HAVCR1: variants seen among roughly 807,000 people sequenced by gnomAD.
HAVCR1 encodes the protein T cell immunoglobin domain and mucin domain protein 1.
Under a neutral mutation model 32.0 loss-of-function variants are expected in HAVCR1, and 34 were observed. That is an observed-to-expected ratio of 1.06 (90% CI 0.81 to 1.42). The LOEUF (loss-of-function observed/expected upper bound fraction) is 1.42, where lower values mean the gene tolerates loss of function less well. Ranked by LOEUF, HAVCR1 falls within the 40% of genes most tolerant of loss-of-function variation. The pLI, the probability that HAVCR1 is intolerant of heterozygous loss-of-function variation, is 0.00. For synonymous variants in HAVCR1, 178 were observed against 170.3 expected (o/e 1.05, Z -0.35); for missense variants, 420 against 442.3 (o/e 0.95, Z 0.45).
intron 2 of HAVCR1, among the ~76,000 whole-genome samples, chr5:157,057,026 G>A (rs1756195341): frequency 6.6e-6 from 1 of 151,742 alleles, no homozygotes; most frequent in Non-Finnish European, 1.5e-5. Flanking sequence ...AATCAAGATT[G>A]CCCAACTAGG....
chr5:157,044,892 T>C (rs905283945), intron 5 of HAVCR1, among the ~76,000 whole-genome samples: 3 of 152,178 alleles, frequency 2.0e-5, no homozygotes, highest in Non-Finnish European at 2.9e-5. Context: ...CAATGTAACT[T>C]TGATACTCAA....
chr5:157,053,642 G>T (rs1240861833), intron 3 of HAVCR1, among the ~76,000 whole-genome samples: 1 of 151,054 alleles, frequency 6.6e-6, no homozygotes, highest in African/African-American at 2.4e-5. Flanking sequence ...GGCCGAGGCG[G>T]GTAGACTGCC....
upstream of HAVCR1, among the ~76,000 whole-genome samples, chr5:157,061,132 A>G (rs1167007301): frequency 6.6e-6 from 1 of 152,088 alleles, no homozygotes; most frequent in Non-Finnish European, 1.5e-5. Context: ...TCCTGGCCTC[A>G]AGTGATACGC....
At chr5:157,046,438 C>T (rs918375352) in intron 5 of HAVCR1, among the ~76,000 whole-genome samples, 1 of 152,192 alleles carries the variant, frequency 6.6e-6, no homozygotes, top group South Asian at 2.1e-4. Context: ...CAATTCTACA[C>T]TTCCAAGGAG....
At chr5:157,048,407 T>A (rs1001639076) in intron 5 of HAVCR1, among the ~76,000 whole-genome samples, 1 of 152,252 alleles carries the variant, frequency 6.6e-6, no homozygotes, top group Non-Finnish European at 1.5e-5. Flanking sequence ...GGATTCTTGA[T>A]GTTCTAAGGA....
At position 157,052,616 on chromosome 5, in the gene HAVCR1, T is replaced by C; in HGVS notation, c.418A>G (p.Thr140Ala). The C allele has an allele frequency of 6.2e-7, 1 of 1,614,072 alleles. No individual in the cohort carries two copies. Among genetic ancestry groups the C allele is most frequent in the Non-Finnish European group, 8.5e-7 (1 of 1,179,956 alleles). The change falls in exon 4 of 9, where the codon ACC (threonine) becomes GCC (alanine). Residue 140 changes from threonine to alanine, a missense_variant. Thr to Ala is a moderately conservative substitution (Grantham distance 58). Transcript: ENST00000523175. ...GTGCTCGTTCGAACAGTCGTGACGG[T>C]TGGAACAGTTGTGACAATTGGAGTA... is the stretch of plus-strand genomic sequence containing the variant. ...TTTPIVTTVP[T>A]VTTVRTSTTV... is the part of the protein sequence containing the mutation.
At position 157,052,596 on chromosome 5, in the gene HAVCR1, C is replaced by G; in HGVS notation, c.438G>C (p.Thr146=). 1 of 1,612,056 alleles carries G rather than the reference C, an allele frequency of 6.2e-7. No homozygotes were observed. The change falls in exon 4 of 9, where the codon ACG becomes ACC. Residue 146 remains threonine, a synonymous_variant. Transcript: ENST00000523175. ...TCGTTGTCGTTGGAACAGTGGTGCT[C>G]GTTCGAACAGTCGTGACGGTTGGAA... ...TTVPTVTTVR[T]STTVPTTTTV... is the part of the protein sequence containing the mutation.
chr5:157,067,514 TA>T, the HAVCR1 span, among the ~76,000 whole-genome samples: 2 of 151,814 alleles, frequency 1.3e-5, no homozygotes, highest in Admixed American at 1.3e-4. Context: ...AAAATAAAAA[TA>T]AAAAAATTAG....
chr5:157,036,351 C>T (rs556553015), intron 7 of HAVCR1, among the ~76,000 whole-genome samples: 254 of 152,106 alleles, frequency 1.7e-3, no homozygotes, highest in African/African-American at 3.4e-3. Context: ...TGGTGGCGGG[C>T]GCCTGTAGTC....
At chr5:157,038,032 A>AAAAAAT (rs1561583421) in intron 6 of HAVCR1, among the ~76,000 whole-genome samples, 1 of 151,574 alleles carries the variant, frequency 6.6e-6, no homozygotes, top group African/African-American at 2.4e-5. Flanking sequence ...AGAAAAAAAA[A>AAAAAAT]TTGTTTATAT....
rs1265477655 is a variant in HAVCR1 at position 157,049,061 on chromosome 5, G to T, written c.758C>A (p.Ser253Ter). The T allele has an allele frequency of 4.4e-6, 7 of 1,605,050 alleles. No individual in the cohort carries two copies. The highest frequency in any genetic ancestry group is 6.0e-6 in the Non-Finnish European group (7 of 1,171,830). ...QGAIRREPTSSPLYSYTTDGN... is the reference protein window; with the variant it reads ...QGAIRREPTS ...ACCTGTTGTGTAAGAGTACAATGGT[G>T]AGCTGGTGGGTTCTCTCCTTATTGC... The change falls in exon 5 of 9, where the codon TCA (serine) becomes TAA (stop). Residue 253 changes from serine (S) to a stop codon, truncating the protein, a stop_gained. Transcript: ENST00000523175. LOFTEE classifies it high-confidence loss of function.
chr5:157,061,579 T>C (rs140375281), upstream of HAVCR1, among the ~76,000 whole-genome samples: 823 of 151,850 alleles, frequency 5.4e-3, 6 homozygotes, highest in East Asian at 0.039. Flanking sequence ...TGGTGGCGGG[T>C]GCCTGTAATC....
At chr5:157,031,436 A>T (rs996967806) in intron 8 of HAVCR1, among the ~76,000 whole-genome samples, 2 of 152,228 alleles carry the variant, frequency 1.3e-5, no homozygotes, top group Non-Finnish European at 2.9e-5. Flanking sequence ...CAAATGAAGC[A>T]GGCTGGCTGG....
upstream of HAVCR1, among the ~76,000 whole-genome samples, chr5:157,062,946 CCT>C (rs1267223833): frequency 6.6e-6 from 1 of 151,822 alleles, no homozygotes; most frequent in Admixed American, 6.6e-5. Context: ...ATGGCAAACC[CCT>C]GTCTCTACTA....
At chr5:157,067,774 C>T in the HAVCR1 span, among the ~76,000 whole-genome samples, 32 of 152,112 alleles carry the variant, frequency 2.1e-4, 1 homozygote, top group Admixed American at 6.6e-4. Context: ...CTGCAACCTC[C>T]GCCTCCCGGG....
chr5:157,065,459 A>T, the HAVCR1 span, among the ~76,000 whole-genome samples: 3 of 152,374 alleles, frequency 2.0e-5, no homozygotes, highest in South Asian at 6.2e-4. Context: ...TGACTCATGC[A>T]GGTAATCCCA....
chr5:157,067,246 C>T, the HAVCR1 span, among the ~76,000 whole-genome samples: 1 of 152,164 alleles, frequency 6.6e-6, no homozygotes, highest in Admixed American at 6.5e-5. Context: ...CCATGTATTT[C>T]TCTAAAATCA....
In HAVCR1 at chr5:157,049,071, G is replaced by GT. The variant is rs1157540830; in HGVS notation, c.747dup (p.Pro250ThrfsTer15). ...TAAGAGTACAATGGTGAGCTGGTGG[G>GT]TTCTCTCCTTATTGCTCCCTGCAGT... is the stretch of plus-strand genomic sequence containing the variant. On this transcript the variant is annotated frameshift_variant, in exon 5 of 9. Coordinates refer to ENST00000523175, the MANE Select transcript of HAVCR1 (RefSeq NM_001173393.3). LOFTEE classifies it high-confidence loss of function. 6.2e-7 allele frequency: 1 copy of GT among 1,610,742 alleles called. No individual in the cohort carries two copies. The highest frequency in any genetic ancestry group is 8.5e-7 in the Non-Finnish European group (1 of 1,177,116).
Position 157,055,537 on chromosome 5 carries a change from CA to C in HAVCR1, c.47-5del. The C allele has an allele frequency of 6.5e-7, 1 of 1,535,140 alleles. No individual in the cohort carries two copies. Among genetic ancestry groups the C allele is most frequent in the Non-Finnish European group, 8.8e-7 (1 of 1,132,358 alleles). ...TTTACAGAACCAGCTACAGAATCTG[CA>C]AAGAAGAAAAGACAAACTGAGAATG... On this transcript the variant is annotated splice_polypyrimidine_tract_variant and splice_region_variant and intron_variant, in intron 2 of 8. Transcript: ENST00000523175.
Sources: gnomAD v4.1 joint callset for allele counts (sites outside exome capture counted in the v4.1 genomes callset) on GRCh38, gnomAD v4.1.1 for gene constraint, MANE v1.5 for transcripts, NCBI Gene and HGNC (gene_info 2026-07-23, HGNC 2026-07-21) for gene names.